Variants in LSP1 observed in about 807,000 individuals in gnomAD.
LSP1 encodes lymphocyte specific protein 1, also known as lymphocyte-specific protein 1.
A neutral mutation model predicts 49.3 loss-of-function variants in LSP1; 32 were observed. The observed-to-expected ratio is 0.65, with a 90% confidence interval of 0.49 to 0.87. The LOEUF (loss-of-function observed/expected upper bound fraction) is 0.87. Among genes scored for constraint, LSP1 ranks in the 40% least tolerant of loss-of-function variants. LSP1 has a pLI of 0.00. For missense variants in LSP1, 428 were observed against 442.6 expected, an observed-to-expected ratio of 0.97 and a Z score of 0.30; for synonymous variants, 179 against 178.8, an observed-to-expected ratio of 1.00 and a Z score of -0.01.
chr11:1,872,534 C>T (rs190913994), intron 1 of LSP1, among the ~76,000 whole-genome samples: 3,821 of 104,676 alleles, frequency 0.037, 69 homozygotes, highest in Middle Eastern at 0.14. Flanking sequence ...CCCTGGTGCA[C>T]GCTGGTAGAG....
Position 1,883,448 on chromosome 11 carries a change from A to T in LSP1, c.386A>T (p.Asp129Val). Residue 129 changes from aspartate to valine, a missense_variant, in exon 4 of 11, where the codon GAC (aspartate) becomes GTC (valine). Physicochemically the swap from Asp to Val is radical, Grantham distance 152 (BLOSUM62 -3). Coordinates refer to ENST00000311604, the MANE Select transcript of LSP1 (RefSeq NM_002339.3). ...RPGLHAYEKE[D>V]SDEVHLEELS... ...GGCCTGCATGCCTACGAAAAGGAGG[A>T]CAGTGATGAAGTCCACCTGGAGGAG... The T allele has an allele frequency of 6.2e-7, 1 of 1,614,058 alleles. No individual in the cohort carries two copies. The highest frequency in any genetic ancestry group is 1.1e-5 in the South Asian group (1 of 91,084).
intron 1 of LSP1, chr11:1,870,121 C>CCT (rs1456832111): frequency 2.2e-5 from 11 of 510,068 alleles, no homozygotes; most frequent in Non-Finnish European, 4.2e-5. Context: ...GCTCACTGTG[C>CCT]CTCTTTAAAC....
At chr11:1,865,564 TCACCC>T (rs1847762439) in intron 1 of LSP1, among the ~76,000 whole-genome samples, 1 of 142,462 alleles carries the variant, frequency 7.0e-6, no homozygotes, top group African/African-American at 2.6e-5. Flanking sequence ...GGCTGCACTG[TCACCC>T]GCTCACACCG....
chr11:1,872,066 G>A lies in LSP1; in HGVS notation c.54-8021G>A, dbSNP rs184830138. Among the ~76,000 whole-genome samples the A allele has an allele frequency of 3.0e-3, 426 of 141,554 alleles. 1 individual carries two copies. The highest frequency in any genetic ancestry group is 5.7e-3 in the Non-Finnish European group (368 of 64,982). 92.9% of individuals were successfully genotyped at this position (141,554 alleles called of 152,430 possible). On this transcript the variant is annotated intron_variant, in intron 1 of 10. Transcript: ENST00000311604. Reference sequence around the variant, plus strand: ...CTGGGCTATAGTCACCCTGGTGCACGCTGGTAGAGTTGGGGTCTGTCTGGC... The same window carrying A: ...CTGGGCTATAGTCACCCTGGTGCACACTGGTAGAGTTGGGGTCTGTCTGGC...
At chr11:1,864,306 C>T (rs1025307007) in intron 1 of LSP1, 5 of 953,884 alleles carry the variant, frequency 5.2e-6, no homozygotes, top group African/African-American at 1.8e-5. Flanking sequence ...GAGGAGGGCC[C>T]GGGCAGGGCC....
At chr11:1,887,682 G>A in intron 10 of LSP1, 106 bp downstream of exon 10, 1 of 824,696 alleles carries the variant, frequency 1.2e-6, no homozygotes, top group East Asian at 2.6e-5. Flanking sequence ...AGGCTACAAG[G>A]GTGGACTCCG....
chr11:1,890,760 C>A, intron 10 of LSP1: 1 of 599,430 alleles, frequency 1.7e-6, no homozygotes, highest in Non-Finnish European at 3.0e-6. Flanking sequence ...TCGACTGTGC[C>A]TTGGGGACTT....
chr11:1,875,567 C>T (rs1161313397), intron 1 of LSP1, among the ~76,000 whole-genome samples: 2 of 152,374 alleles, frequency 1.3e-5, no homozygotes, highest in South Asian at 2.1e-4. Context: ...CCGGGCGGCT[C>T]ATCACTCGGC....
intron 1 of LSP1, among the ~76,000 whole-genome samples, chr11:1,875,563 G>A (rs752963903): frequency 1.1e-4 from 17 of 152,320 alleles, no homozygotes; most frequent in South Asian, 2.1e-4. Context: ...TGCTCCGGGC[G>A]GCTCATCACT....
chr11:1,888,881 C>T (rs571816125), intron 10 of LSP1: 125 of 403,128 alleles, frequency 3.1e-4, no homozygotes, highest in African/African-American at 2.1e-3. Context: ...TCCTACATCC[C>T]GACGCAGACC....
At chr11:1,878,693 C>T (rs1848412898) in intron 1 of LSP1, among the ~76,000 whole-genome samples, 1 of 152,120 alleles carries the variant, frequency 6.6e-6, no homozygotes, top group Non-Finnish European at 1.5e-5. Context: ...CAGGGTCAGG[C>T]AGCGGCCACT....
rs537362737 is a variant in LSP1, at chr11:1,884,614, C to T, written c.717+33C>T. 359 of 1,571,552 alleles carry T rather than the reference C, an allele frequency of 2.3e-4. 5 individuals carry two copies. In the South Asian group the frequency reaches 3.5e-3, roughly 15 times the overall value. ...CTGGCTCCCCTCTGCTGTCAGGTCC[C>T]TCCTGCATCCTGGCACCATTCCTTC... is the stretch of plus-strand genomic sequence containing the variant. On this transcript the variant is annotated intron_variant, in intron 7 of 10. Coordinates refer to ENST00000311604, the MANE Select transcript of LSP1 (RefSeq NM_002339.3). The surrounding 1 kb of genome is among the most constrained non-coding windows in gnomAD (Gnocchi z 4.1).
intron 1 of LSP1, among the ~76,000 whole-genome samples, chr11:1,855,638 G>A (rs1362848004): frequency 1.3e-5 from 2 of 152,206 alleles, no homozygotes; most frequent in East Asian, 1.9e-4. Context: ...GACCCTGGGC[G>A]GGGTCCAGGC....
At chr11:1,889,479 G>A (rs952280626) in intron 10 of LSP1, 3 of 619,978 alleles carry the variant, frequency 4.8e-6, no homozygotes, top group Non-Finnish European at 8.9e-6. Flanking sequence ...TGTGGGGGTG[G>A]GCACCTCTGG....
rs1233540440 is a variant in LSP1, at chr11:1,886,974, T to G, written c.852+108T>G. 12 of 1,387,234 alleles carry G rather than the reference T, an allele frequency of 8.7e-6. No homozygotes were observed. In the Admixed American group the frequency reaches 2.8e-4, roughly 32 times the overall value. The allele number at this position is 1,387,234 out of a possible 1,614,324, so 85.9% of individuals were successfully genotyped here. A position where few individuals can be genotyped will look rare whatever the true frequency, so the allele number is the denominator to read the frequency against. On this transcript the variant is annotated intron_variant, in intron 8 of 10. Coordinates refer to ENST00000311604, the MANE Select transcript of LSP1 (RefSeq NM_002339.3). ...CAAGCATGGGACTGTCCAGGATGAA[T>G]GTGGGTATACAGAACCCTGAGGTAT...
At chr11:1,874,501 C>T (rs1848225898) in intron 1 of LSP1, among the ~76,000 whole-genome samples, 1 of 152,104 alleles carries the variant, frequency 6.6e-6, no homozygotes, top group African/African-American at 2.4e-5. Flanking sequence ...GCTCTGGACC[C>T]AGCAGGCCCG....
At chr11:1,881,686 T>G (rs1848552439) in intron 3 of LSP1, 90 bp downstream of exon 3, 1 of 1,368,650 alleles carries the variant, frequency 7.3e-7, no homozygotes, top group African/African-American at 1.6e-5. Context: ...GGGCTCCCTC[T>G]GGACCTCGAG....
intron 1 of LSP1, among the ~76,000 whole-genome samples, chr11:1,878,316 A>G (rs1848396071): frequency 6.6e-6 from 1 of 152,230 alleles, no homozygotes; most frequent in South Asian, 2.1e-4. Context: ...CTCAGGTGGA[A>G]CAAGGCCCAG....
At chr11:1,873,640 G>A (rs1256782325) in intron 1 of LSP1, among the ~76,000 whole-genome samples, 2 of 151,684 alleles carry the variant, frequency 1.3e-5, no homozygotes, top group African/African-American at 2.4e-5. Context: ...GAGAAGAATG[G>A]AAGGAGGAGG....
Sources: gnomAD v4.1 joint callset for allele counts (sites outside exome capture counted in the v4.1 genomes callset) on GRCh38, gnomAD v4.1.1 for gene constraint, Gnocchi (gnomAD v3.1) non-coding constraint, MANE v1.5 for transcripts, NCBI Gene and HGNC (gene_info 2026-07-23, HGNC 2026-07-21) for gene names.